Variants in XXYLT1 observed in about 807,000 individuals in gnomAD.
The protein encoded by XXYLT1 is xyloside xylosyltransferase 1.
XXYLT1 carries 20 observed loss-of-function variants against 28.9 expected under a neutral mutation model. That is an observed-to-expected ratio of 0.69 (90% CI 0.49 to 1.00). The LOEUF (loss-of-function observed/expected upper bound fraction) is 1.00. Ranked by LOEUF, XXYLT1 falls within the 50% of genes least tolerant of loss-of-function variation. XXYLT1 has a pLI of 0.00. For missense variants in XXYLT1, 542 were observed against 560.1 expected (o/e 0.97, Z 0.33); for synonymous variants, 257 against 253.8 (o/e 1.01, Z -0.12).
chr3:195,120,717 C>T (rs1297901042), intron 3 of XXYLT1, among the ~76,000 whole-genome samples: 1 of 152,228 alleles, frequency 6.6e-6, no homozygotes, highest in African/African-American at 2.4e-5. Flanking sequence ...GATTCAGAGT[C>T]AGGATTTCCC....
At chr3:195,147,443 G>A (rs761999355) in intron 3 of XXYLT1, among the ~76,000 whole-genome samples, 7 of 152,136 alleles carry the variant, frequency 4.6e-5, no homozygotes, top group Non-Finnish European at 8.8e-5. Context: ...GGTGGTCAGC[G>A]CCTGTAATCT....
intron 2 of XXYLT1, among the ~76,000 whole-genome samples, chr3:195,167,569 C>T (rs1232520566): frequency 2.0e-5 from 3 of 152,034 alleles, no homozygotes; most frequent in East Asian, 1.9e-4. Context: ...CCAGCCTGGG[C>T]GACAAGAGTG....
intron 3 of XXYLT1, among the ~76,000 whole-genome samples, chr3:195,139,393 G>A (rs982662153): frequency 2.0e-5 from 3 of 152,222 alleles, no homozygotes. Context: ...CCCAGAGTCA[G>A]AATAGGCAGC....
At chr3:195,197,139 T>C (rs956743076) in intron 2 of XXYLT1, among the ~76,000 whole-genome samples, 8 of 152,192 alleles carry the variant, frequency 5.3e-5, no homozygotes, top group African/African-American at 1.9e-4. Context: ...GGGATATTTA[T>C]TTACAACAAA....
At position 195,150,895 on chromosome 3, in the gene XXYLT1, CTCTCT is replaced by C. The variant is rs1720198575; in HGVS notation, c.785+5549_785+5553del. Among the ~76,000 whole-genome samples, 1 of 87,904 alleles carries C rather than the reference CTCTCT, an allele frequency of 1.1e-5. No individual in the cohort carries two copies. Among genetic ancestry groups the C allele is most frequent in the African/African-American group, 5.4e-5 (1 of 18,400 alleles). The allele number at this position is 87,904 out of a possible 152,430, so 57.7% of individuals were successfully genotyped here. A position where few individuals can be genotyped will look rare whatever the true frequency, so the allele number is the denominator to read the frequency against. On this transcript the variant is annotated intron_variant, in intron 3 of 3. Transcript: ENST00000310380. The surrounding 1 kb of genome is among the most constrained non-coding windows in gnomAD (Gnocchi z 4.7). ...TCTCTCCCTCTCCCTCTCCCTCTCT[CTCTCT>C]CCATCACTCCAGGGTCAGCAGGAGC...
chr3:195,209,534 C>G lies in XXYLT1; in HGVS notation c.652+17175G>C, dbSNP rs746441661. The G allele has an allele frequency of 3.3e-5, 5 of 152,416 alleles. No individual in the cohort carries two copies. The highest frequency in any genetic ancestry group is 2.1e-4 in the South Asian group (1 of 4,840). The allele number at this position is 152,416 out of a possible 1,614,324, so 9.4% of individuals were successfully genotyped here. ...TCAGTGTCAGGCAGCCCCACCGAAGCCGCACACTTGGGCCCTCCTGACAGG... is the reference window on the plus strand; with the variant it reads ...TCAGTGTCAGGCAGCCCCACCGAAGGCGCACACTTGGGCCCTCCTGACAGG... On this transcript the variant is annotated intron_variant, in intron 2 of 3. Transcript: ENST00000310380. The surrounding 1 kb of genome is among the most constrained non-coding windows in gnomAD (Gnocchi z 5.0).
At chr3:195,074,974 G>A (rs748283151) in intron 3 of XXYLT1, among the ~76,000 whole-genome samples, 29 of 152,318 alleles carry the variant, frequency 1.9e-4, no homozygotes, top group Non-Finnish European at 3.1e-4. Flanking sequence ...TTCCCAGGCC[G>A]GGAGCGGTGG....
In XXYLT1 at chr3:195,130,706, C is replaced by T. The variant is rs147044961; in HGVS notation, c.785+25743G>A. ...GGCGAGAGGAGGGGAACGGAGGCAA[C>T]AGGCAATCTGGAGGGGCTGGGCTCA... is the stretch of plus-strand genomic sequence containing the variant. On this transcript the variant is annotated intron_variant, in intron 3 of 3. Coordinates refer to ENST00000310380, the MANE Select transcript of XXYLT1 (RefSeq NM_152531.5). 2.5e-3 allele frequency among the ~76,000 whole-genome samples: 384 copies of T among 152,250 alleles called. 6 individuals carry two copies. The highest frequency in any genetic ancestry group is 6.7e-3 in the African/African-American group (280 of 41,532).
intron 1 of XXYLT1, among the ~76,000 whole-genome samples, chr3:195,251,634 G>A (rs1029592666): frequency 6.6e-6 from 1 of 152,184 alleles, no homozygotes; most frequent in African/African-American, 2.4e-5. Context: ...CAGGAAGTCT[G>A]AGGTGGCACA....
intron 1 of XXYLT1, among the ~76,000 whole-genome samples, chr3:195,239,798 G>A (rs919107489): frequency 3.3e-5 from 5 of 152,110 alleles, no homozygotes; most frequent in Admixed American, 3.3e-4. Context: ...TGTTGGATAC[G>A]GTTCCCTGTG....
Position 195,210,286 on chromosome 3 carries a change from C to T in XXYLT1, c.652+16423G>A, listed in dbSNP as rs1723257236. Among the ~76,000 whole-genome samples the T allele has an allele frequency of 6.6e-6, 1 of 152,248 alleles. No individual in the cohort carries two copies. Among genetic ancestry groups the T allele is most frequent in the Non-Finnish European group, 1.5e-5 (1 of 68,050 alleles). On this transcript the variant is annotated intron_variant, in intron 2 of 3. Transcript: ENST00000310380. The surrounding 1 kb of genome is among the most constrained non-coding windows in gnomAD (Gnocchi z 4.8). The stretch of plus-strand genomic sequence containing the variant: ...GGACAGGACGCTGCTCTGCTGACCT[C>T]TCGCCTCTTGCTCCCTGTGTGACAC...
chr3:195,244,740 C>T lies in XXYLT1; in HGVS notation c.505-17884G>A, dbSNP rs373552622. 7.5e-3 allele frequency among the ~76,000 whole-genome samples: 855 copies of T among 114,182 alleles called. 11 individuals carry two copies. Among genetic ancestry groups the T allele is most frequent in the African/African-American group, 0.028 (798 of 28,542 alleles). The allele number at this position is 114,182 out of a possible 152,430, so 74.9% of individuals were successfully genotyped here. ...TCACACCACTGCACTCCAGCCTGGG[C>T]GACAGAGCAAGACTCTGTCTCAAAA... is the stretch of plus-strand genomic sequence containing the variant. On this transcript the variant is annotated intron_variant, in intron 1 of 3. Coordinates refer to ENST00000310380, the MANE Select transcript of XXYLT1 (RefSeq NM_152531.5).
rs1325064931 is a variant in XXYLT1 at position 195,133,212 on chromosome 3, C to A, written c.785+23237G>T. On this transcript the variant is annotated intron_variant, in intron 3 of 3. Transcript: ENST00000310380. This position sits in a 1 kb window ranked among gnomAD's most constrained non-coding sequence, Gnocchi z 4.4. ...ACGGCTGAAGCCCCAGGTGCCCCGC[C>A]TGCTGAGCAGACAGATGGCTGCAAG... Among the ~76,000 whole-genome samples the A allele has an allele frequency of 6.6e-6, 1 of 152,170 alleles. No homozygotes were observed. The highest frequency in any genetic ancestry group is 2.4e-5 in the African/African-American group (1 of 41,440).
intron 1 of XXYLT1, among the ~76,000 whole-genome samples, chr3:195,262,158 T>C (rs1223282684): frequency 6.6e-6 from 1 of 152,088 alleles, no homozygotes; most frequent in Non-Finnish European, 1.5e-5. Context: ...TATCCAACCA[T>C]AAAAAAGGGT....
chr3:195,098,413 C>A (rs377392366), intron 3 of XXYLT1, among the ~76,000 whole-genome samples: 4 of 151,956 alleles, frequency 2.6e-5, no homozygotes, highest in African/African-American at 4.8e-5. Context: ...ATTAGCCGGG[C>A]GTGGTGGTGC....
intron 2 of XXYLT1, among the ~76,000 whole-genome samples, chr3:195,202,422 A>AG (rs1188000302): frequency 6.6e-6 from 1 of 151,970 alleles, no homozygotes; most frequent in East Asian, 1.9e-4. Flanking sequence ...AAAAAAAAAA[A>AG]ACTGACAGTA....
At chr3:195,122,246 G>A in intron 3 of XXYLT1, 1 of 692,452 alleles carries the variant, frequency 1.4e-6, no homozygotes, top group Non-Finnish European at 2.6e-6. Context: ...CACACTGGGG[G>A]TTAGGATTTC....
intron 3 of XXYLT1, among the ~76,000 whole-genome samples, chr3:195,099,830 C>CAAAAAAAA (rs35428286): frequency 5.1e-5 from 5 of 97,224 alleles, no homozygotes; most frequent in South Asian, 4.0e-4. Context: ...GACTCTGTCT[C>CAAAAAAAA]AAAAAAAAAA....
In XXYLT1 at chr3:195,070,030, G is replaced by A; in HGVS notation, c.867C>T (p.Asn289=). 1 of 1,602,440 alleles carries A rather than the reference G, an allele frequency of 6.2e-7. No individual in the cohort carries two copies. Among genetic ancestry groups the A allele is most frequent in the Non-Finnish European group, 8.5e-7 (1 of 1,179,506 alleles). ...GPPPEGLPGF[N]SGVMLLNLEA... ...CCAGGTTCAGCAACATCACCCCGCT[G>A]TTGAAGCCCGGCAGCCCCTCGGGGG... The change falls in exon 4 of 4, where the codon AAC becomes AAT. Residue 289 remains asparagine (N), a synonymous_variant. Transcript: ENST00000310380.
Sources: gnomAD v4.1 joint callset for allele counts (sites outside exome capture counted in the v4.1 genomes callset) on GRCh38, gnomAD v4.1.1 for gene constraint, Gnocchi (gnomAD v3.1) non-coding constraint, MANE v1.5 for transcripts, NCBI Gene and HGNC (gene_info 2026-07-23, HGNC 2026-07-21) for gene names.